LRIG1: variants seen among roughly 807,000 people sequenced by gnomAD.
LRIG1 encodes leucine rich repeats and immunoglobulin like domains 1.
Under a neutral mutation model 99.2 loss-of-function variants are expected in LRIG1, and 48 were observed. The ratio of observed to expected loss-of-function variants is 0.48; its 90% CI spans 0.38 to 0.62. The LOEUF is 0.62. Among genes scored for constraint, LRIG1 ranks in the 20% least tolerant of loss-of-function variants. LRIG1 has a pLI of 0.00. For synonymous variants in LRIG1, 772 were observed against 596.1 expected, an observed-to-expected ratio of 1.29 and a Z score of -4.30; for missense variants, 1,646 against 1,434.4, an observed-to-expected ratio of 1.15 and a Z score of -2.38.
At chr3:66,484,151 A>T (rs1465679565) in intron 1 of LRIG1, among the ~76,000 whole-genome samples, 1 of 152,206 alleles carries the variant, frequency 6.6e-6, no homozygotes, top group African/African-American at 2.4e-5. Flanking sequence ...GGAAGCTACT[A>T]AACAAGCAAG....
chr3:66,396,808 G>C (rs368160117), intron 11 of LRIG1, among the ~76,000 whole-genome samples: 44 of 152,342 alleles, frequency 2.9e-4, no homozygotes, highest in African/African-American at 9.1e-4. Flanking sequence ...GAATTCCACA[G>C]TGAATGCTCC....
chr3:66,394,939 T>C (rs748013003), intron 11 of LRIG1, among the ~76,000 whole-genome samples: 1 of 152,252 alleles, frequency 6.6e-6, no homozygotes, highest in African/African-American at 2.4e-5. Context: ...TGCACAACTT[T>C]AGCTTTGTGG....
chr3:66,478,726 C>A (rs957766383), intron 1 of LRIG1, among the ~76,000 whole-genome samples: 2 of 152,190 alleles, frequency 1.3e-5, no homozygotes, highest in Non-Finnish European at 2.9e-5. Context: ...AGGGTCTCCA[C>A]TGTACGGGTC....
intron 1 of LRIG1, among the ~76,000 whole-genome samples, chr3:66,473,885 G>C (rs951175595): frequency 4.6e-5 from 7 of 152,152 alleles, no homozygotes; most frequent in Non-Finnish European, 1.0e-4. Flanking sequence ...TAAAGTTTAC[G>C]TGTGTCATGA....
chr3:66,429,925 A>G (rs1015851415), intron 3 of LRIG1, among the ~76,000 whole-genome samples: 2 of 152,090 alleles, frequency 1.3e-5, no homozygotes, highest in Admixed American at 6.6e-5. Flanking sequence ...AAACAAAACA[A>G]AACCTCCTAA....
At chr3:66,382,541 G>C in intron 15 of LRIG1, 143 bp from the exon 16 acceptor site, 1 of 937,274 alleles carries the variant, frequency 1.1e-6, no homozygotes, top group South Asian at 1.5e-5. Flanking sequence ...GTCCATGTAC[G>C]CAACAGGCCC....
chr3:66,390,256 G>A (rs560711162), intron 12 of LRIG1, among the ~76,000 whole-genome samples: 8 of 152,162 alleles, frequency 5.3e-5, no homozygotes, highest in African/African-American at 1.9e-4. Context: ...AATAAATGAT[G>A]TCAACATATA....
intron 8 of LRIG1, chr3:66,406,270 G>A: frequency 1.0e-6 from 1 of 985,416 alleles, no homozygotes; most frequent in Non-Finnish European, 1.2e-6. Flanking sequence ...CCTATCATCT[G>A]CATACTGAAA....
intron 1 of LRIG1, among the ~76,000 whole-genome samples, chr3:66,468,689 ACT>A (rs748702485): frequency 6.6e-6 from 1 of 152,214 alleles, no homozygotes; most frequent in Admixed American, 6.5e-5. Flanking sequence ...CAGAACGTGC[ACT>A]GTCAGCCACT....
At chr3:66,406,931 G>GA (rs1426925406) in intron 8 of LRIG1, among the ~76,000 whole-genome samples, 3 of 152,160 alleles carry the variant, frequency 2.0e-5, no homozygotes, top group Non-Finnish European at 4.4e-5. Context: ...ATGGTTTAGA[G>GA]AAAAAATATT....
chr3:66,420,881 A>T (rs558827660), intron 3 of LRIG1, among the ~76,000 whole-genome samples: 51 of 152,332 alleles, frequency 3.3e-4, no homozygotes, highest in African/African-American at 1.2e-3. Flanking sequence ...TATGAAAGAA[A>T]GAGGTTTAAT....
intron 13 of LRIG1, among the ~76,000 whole-genome samples, chr3:66,385,760 G>C (rs939841504): frequency 6.6e-6 from 1 of 152,168 alleles, no homozygotes; most frequent in African/African-American, 2.4e-5. Flanking sequence ...CCAATAACTA[G>C]ATTTTTAAAA....
At chr3:66,476,957 C>T (rs1329037437) in intron 1 of LRIG1, among the ~76,000 whole-genome samples, 1 of 152,326 alleles carries the variant, frequency 6.6e-6, no homozygotes, top group Non-Finnish European at 1.5e-5. Flanking sequence ...CACTGTGACG[C>T]ACGACACACA....
At chr3:66,382,166 G>C (rs1701115002) in intron 16 of LRIG1, 107 bp downstream of exon 16, 1 of 1,300,188 alleles carries the variant, frequency 7.7e-7, no homozygotes, top group Admixed American at 1.9e-5. Flanking sequence ...CACCAAGTTT[G>C]CCCCATCTAA....
intron 3 of LRIG1, among the ~76,000 whole-genome samples, chr3:66,448,906 C>T (rs548908217): frequency 6.6e-6 from 1 of 152,236 alleles, no homozygotes; most frequent in African/African-American, 2.4e-5. Context: ...TGGGCCACAA[C>T]TGCAGGGACA....
chr3:66,425,986 T>C (rs531766976), intron 3 of LRIG1, among the ~76,000 whole-genome samples: 3 of 152,324 alleles, frequency 2.0e-5, no homozygotes, highest in South Asian at 2.1e-4. Flanking sequence ...TCATAAGTGA[T>C]TGTTCCACTA....
chr3:66,474,181 T>C (rs541841753), intron 1 of LRIG1, among the ~76,000 whole-genome samples: 2 of 152,322 alleles, frequency 1.3e-5, no homozygotes, highest in South Asian at 4.1e-4. Context: ...TAGCAGATGC[T>C]GCATGCGACC....
At position 66,438,773 on chromosome 3, in the gene LRIG1, C is replaced by A. The variant is rs569539345; in HGVS notation, c.365+12786G>T. The stretch of plus-strand genomic sequence containing the variant: ...GAGGTGAGCAAAAATGGACCAATGC[C>A]CTCTACTGAAATGCCCACAAAGGGA... On this transcript the variant is annotated intron_variant, in intron 3 of 18. Transcript: ENST00000273261. 3.3e-5 allele frequency among the ~76,000 whole-genome samples: 5 copies of A among 152,292 alleles called. No homozygotes were observed. In the South Asian group the frequency reaches 1.0e-3, roughly 32 times the overall value.
Position 66,380,721 on chromosome 3 carries a change from CACTCCCACCCG to C in LRIG1, c.2900_2910del (p.Pro967ArgfsTer29). The C allele has an allele frequency of 6.2e-7, 1 of 1,614,194 alleles. No homozygotes were observed. The highest frequency in any genetic ancestry group is 8.5e-7 in the Non-Finnish European group (1 of 1,180,034). On this transcript the variant is annotated frameshift_variant, in exon 18 of 19. Transcript: ENST00000273261. LOFTEE classifies it high-confidence loss of function. ...TGGTGATGTGGAGAATGCTCTTGGT[CACTCCCACCCG>C]GCTCCGGGCCATTTGGCGCACTTGG...
Sources: allele counts gnomAD v4.1 joint callset (sites outside exome capture counted in the v4.1 genomes callset), GRCh38; gene constraint gnomAD v4.1.1; transcripts MANE v1.5; gene names NCBI Gene and HGNC (gene_info 2026-07-23, HGNC 2026-07-21).